The following PAK1 variants were observed in gnomAD, a reference collection of about 807,000 sequenced individuals.
PAK1 encodes the protein p21 (RAC1) activated kinase 1.
A neutral mutation model predicts 67.4 loss-of-function variants in PAK1; 29 were observed. The observed-to-expected ratio is 0.43, with a 90% CI of 0.32 to 0.59. The LOEUF (loss-of-function observed/expected upper bound fraction) is 0.59, where lower values mean the gene tolerates loss of function less well. Among genes scored for constraint, PAK1 ranks in the 20% least tolerant of loss-of-function variants. PAK1 has a pLI of 0.07. For synonymous variants in PAK1, 223 were observed against 237.4 expected (o/e 0.94, Z 0.56); for missense variants, 337 against 670.7 (o/e 0.50, Z 5.50).
intron 2 of PAK1, 82 bp from the exon 3 acceptor site, chr11:77,380,076 A>C (rs963065411): frequency 1.2e-5 from 12 of 984,104 alleles, no homozygotes; most frequent in Non-Finnish European, 1.7e-5. Flanking sequence ...ATTGAGCTGT[A>C]GTCTCCTTGA....
rs765450804 is a variant in PAK1 at position 77,380,034 on chromosome 11, C to A, written c.191-40G>T. The A allele has an allele frequency of 1.7e-5, 25 of 1,486,858 alleles. No individual in the cohort carries two copies. The African/African-American group carries it at 3.3e-4, about 20-fold the overall frequency. The allele number at this position is 1,486,858 out of a possible 1,614,324, so 92.1% of individuals were successfully genotyped here. On this transcript the variant is annotated intron_variant, in intron 2 of 14. Coordinates refer to ENST00000356341, the MANE Select transcript of PAK1 (RefSeq NM_002576.5). The stretch of plus-strand genomic sequence containing the variant: ...GGCAAAAGGAAATAAAAAACAGGAA[C>A]ATTATTGTTTTTAGGCTTATTTTAG...
At chr11:77,520,010 C>A in the PAK1 span, among the ~76,000 whole-genome samples, 3 of 151,922 alleles carry the variant, frequency 2.0e-5, no homozygotes, top group Admixed American at 2.0e-4. Flanking sequence ...TGGCCCCCCC[C>A]TCCGCCCGTG....
At chr11:77,502,222 A>C in the PAK1 span, among the ~76,000 whole-genome samples, 1 of 152,042 alleles carries the variant, frequency 6.6e-6, no homozygotes, top group Non-Finnish European at 1.5e-5. Context: ...TTAATTTTTC[A>C]GTTTTTGATC....
chr11:77,369,858 C>G (rs1241073210), intron 5 of PAK1, among the ~76,000 whole-genome samples: 2 of 152,094 alleles, frequency 1.3e-5, no homozygotes, highest in Non-Finnish European at 2.9e-5. Flanking sequence ...TCTGAAAATA[C>G]TAGATTTTTT....
the PAK1 span, among the ~76,000 whole-genome samples, chr11:77,512,500 T>C: frequency 2.0e-5 from 3 of 152,044 alleles, no homozygotes; most frequent in Non-Finnish European, 4.4e-5. Flanking sequence ...GGAGCTAGTA[T>C]TGGGGATTGT....
the PAK1 span, among the ~76,000 whole-genome samples, chr11:77,481,531 C>T: frequency 6.6e-6 from 1 of 151,866 alleles, no homozygotes; most frequent in Admixed American, 6.6e-5. Context: ...AAAAATTAGC[C>T]AGGTGTGGTA....
intron 1 of PAK1, among the ~76,000 whole-genome samples, chr11:77,410,080 C>T (rs1954273013): frequency 6.6e-6 from 1 of 152,186 alleles, no homozygotes; most frequent in Admixed American, 6.5e-5. Flanking sequence ...AGGCCTCCTC[C>T]TCCTCCTGTC....
chr11:77,359,118 C>T, intron 5 of PAK1, 101 bp from the exon 6 acceptor site: 1 of 1,064,100 alleles, frequency 9.4e-7, no homozygotes, highest in South Asian at 1.5e-5. Flanking sequence ...CCTGATATCC[C>T]TTCTGAAATA....
intron 1 of PAK1, among the ~76,000 whole-genome samples, chr11:77,394,437 G>GT (rs373056819): frequency 0.028 from 4,105 of 146,954 alleles, 163 homozygotes; most frequent in African/African-American, 0.091. Flanking sequence ...ATCTATAGGA[G>GT]TTTTTTTTTT....
intron 1 of PAK1, among the ~76,000 whole-genome samples, chr11:77,435,798 G>A (rs765535611): frequency 1.8e-4 from 27 of 151,588 alleles, no homozygotes; most frequent in Non-Finnish European, 2.9e-4. Flanking sequence ...GTAAGCCACT[G>A]CGCCCGGCCC....
At position 77,340,670 on chromosome 11, in the gene PAK1, GC is replaced by G. The variant is rs755351376; in HGVS notation, c.1091del (p.Gly364AlafsTer42). The stretch of plus-strand genomic sequence containing the variant: ...CCTCACGGCACACAGCTGCAATTTG[GC>G]CTTCATCCATGCAAGTTTCTGTCAC... ...DVVTETCMDE[G>X]QIAAVCRECL... On this transcript the variant is annotated frameshift_variant, in exon 11 of 15. Transcript: ENST00000356341. LOFTEE classifies it high-confidence loss of function. 1.9e-6 allele frequency: 3 copies of G among 1,601,212 alleles called. No homozygotes were observed.
Position 77,332,875 on chromosome 11 carries a change from T to A in PAK1, c.1414-8A>T. 1 of 1,613,200 alleles carries A rather than the reference T, an allele frequency of 6.2e-7. No individual in the cohort carries two copies. On this transcript the variant is annotated splice_region_variant and splice_polypyrimidine_tract_variant and intron_variant, in intron 13 of 14. Transcript: ENST00000356341. Reference sequence around the variant, plus strand: ...GGCAATGAGGTACAAGGCCTGGCAATAAAAATGGTGAATCACCTTGAGCTC... The same window carrying A: ...GGCAATGAGGTACAAGGCCTGGCAAAAAAAATGGTGAATCACCTTGAGCTC...
chr11:77,470,675 C>T (rs1278016140), intron 1 of PAK1, among the ~76,000 whole-genome samples: 1 of 152,110 alleles, frequency 6.6e-6, no homozygotes, highest in Non-Finnish European at 1.5e-5. Context: ...CCCTATATAG[C>T]TTTAAGTATC....
At chr11:77,486,153 C>A in the PAK1 span, among the ~76,000 whole-genome samples, 24 of 152,182 alleles carry the variant, frequency 1.6e-4, 1 homozygote, top group Admixed American at 1.6e-3. Context: ...AAAAAGGTTC[C>A]TGTTCCTTGC....
intron 1 of PAK1, among the ~76,000 whole-genome samples, chr11:77,428,571 C>T (rs372500168): frequency 9.0e-6 from 1 of 111,056 alleles, no homozygotes; most frequent in African/African-American, 3.4e-5. Flanking sequence ...GACTCCATCT[C>T]AAAAAAAAAA....
At chr11:77,479,998 GAAGT>G in the PAK1 span, among the ~76,000 whole-genome samples, 2 of 152,184 alleles carry the variant, frequency 1.3e-5, no homozygotes, top group Admixed American at 1.3e-4. Flanking sequence ...AGGAGAAAGA[GAAGT>G]AAGTTTTTTA....
Position 77,353,305 on chromosome 11 carries a change from G to A in PAK1, c.836+231C>T, listed in dbSNP as rs992815442. On this transcript the variant is annotated intron_variant, in intron 8 of 14. Transcript: ENST00000356341. The stretch of plus-strand genomic sequence containing the variant: ...TAAGAAAAAAAACCGTTCTCTCACT[G>A]TCACTGCAGGGGTATTTTTAGCAAC... The A allele has an allele frequency of 3.1e-4, 137 of 437,862 alleles. 1 individual carries two copies. The East Asian group carries it at 4.8e-3, about 15-fold the overall frequency. 27.1% of individuals were successfully genotyped at this position (437,862 alleles called of 1,614,324 possible).
chr11:77,455,554 G>C (rs1465476836), intron 1 of PAK1, among the ~76,000 whole-genome samples: 3 of 132,050 alleles, frequency 2.3e-5, no homozygotes, highest in Non-Finnish European at 4.8e-5. Context: ...ATGTAGTTTG[G>C]GGAGTTTGTT....
chr11:77,334,972 A>G (rs1385958670), intron 13 of PAK1, among the ~76,000 whole-genome samples: 2 of 152,100 alleles, frequency 1.3e-5, no homozygotes, highest in Non-Finnish European at 1.5e-5. Flanking sequence ...TCCAATGTTC[A>G]TTTCTCAGTC....
Sources: allele counts gnomAD v4.1 joint callset (sites outside exome capture counted in the v4.1 genomes callset), GRCh38; gene constraint gnomAD v4.1.1; transcripts MANE v1.5; gene names NCBI Gene and HGNC (gene_info 2026-07-23, HGNC 2026-07-21).